SUPT3H: variants seen among roughly 807,000 people sequenced by gnomAD.
The protein encoded by SUPT3H is transcription initiation protein SPT3 homolog.
SUPT3H carries 44 observed loss-of-function variants against 44.3 expected under a neutral mutation model. That is an observed-to-expected ratio of 0.99 (90% confidence interval 0.78 to 1.28). The LOEUF is 1.28. Among genes scored for constraint, SUPT3H ranks in the 50% most tolerant of loss-of-function variants. The pLI is 0.00. For missense variants in SUPT3H, 380 were observed against 387.1 expected (o/e 0.98, Z 0.15); for synonymous variants, 124 against 125.6 (o/e 0.99, Z 0.09).
chr6:44,936,710 C>G (rs998989275), intron 9 of SUPT3H, among the ~76,000 whole-genome samples: 1 of 152,156 alleles, frequency 6.6e-6, no homozygotes, highest in Non-Finnish European at 1.5e-5. Flanking sequence ...CTCTGTCCCC[C>G]GGGCTGGAGT....
chr6:45,136,981 A>C (rs1389105735), intron 2 of SUPT3H, among the ~76,000 whole-genome samples: 1 of 152,150 alleles, frequency 6.6e-6, no homozygotes, highest in Admixed American at 6.5e-5. Flanking sequence ...TCATGCCAAA[A>C]GAGAGATTAT....
intron 2 of SUPT3H, among the ~76,000 whole-genome samples, chr6:45,239,740 C>A (rs1769932621): frequency 6.6e-6 from 1 of 152,318 alleles, no homozygotes. Context: ...ACTAGCAAAG[C>A]TCTAGCTACA....
intron 2 of SUPT3H, among the ~76,000 whole-genome samples, chr6:45,173,999 G>C (rs1811263564): frequency 6.6e-6 from 1 of 152,168 alleles, no homozygotes; most frequent in Non-Finnish European, 1.5e-5. Context: ...GCATCTGTTT[G>C]TGGCCACAAT....
intron 2 of SUPT3H, among the ~76,000 whole-genome samples, chr6:45,284,943 C>A (rs956366042): frequency 2.0e-5 from 3 of 152,142 alleles, no homozygotes; most frequent in African/African-American, 7.2e-5. Flanking sequence ...TCAACATACA[C>A]AAATCAATAA....
At chr6:45,289,501 C>A (rs769561308) in intron 2 of SUPT3H, among the ~76,000 whole-genome samples, 1 of 152,000 alleles carries the variant, frequency 6.6e-6, no homozygotes, top group Non-Finnish European at 1.5e-5. Context: ...TAAAGTAATT[C>A]ATAATTTAAA....
At chr6:45,190,111 C>T (rs1356899255) in intron 2 of SUPT3H, among the ~76,000 whole-genome samples, 1 of 152,058 alleles carries the variant, frequency 6.6e-6, no homozygotes, top group Non-Finnish European at 1.5e-5. Flanking sequence ...TTGCGTTAAA[C>T]TAATGAATTA....
chr6:44,849,241 T>C (rs1772437453), intron 10 of SUPT3H, among the ~76,000 whole-genome samples: 1 of 143,694 alleles, frequency 7.0e-6, no homozygotes, highest in South Asian at 2.4e-4. Context: ...TTTTTTTTTT[T>C]TTTGAGACGG....
At chr6:44,933,537 T>C (rs1295380827) in intron 9 of SUPT3H, among the ~76,000 whole-genome samples, 1 of 152,222 alleles carries the variant, frequency 6.6e-6, no homozygotes, top group East Asian at 1.9e-4. Context: ...CTCGGTTTCC[T>C]CACCTGTAAA....
At chr6:45,214,331 C>A (rs753682287) in intron 2 of SUPT3H, among the ~76,000 whole-genome samples, 33 of 151,642 alleles carry the variant, frequency 2.2e-4, no homozygotes, top group Non-Finnish European at 3.8e-4. Context: ...ATGTGATTGA[C>A]AGTATTCAGA....
At chr6:45,025,567 A>G (rs1180024017) in intron 3 of SUPT3H, among the ~76,000 whole-genome samples, 1 of 152,156 alleles carries the variant, frequency 6.6e-6, no homozygotes, top group Non-Finnish European at 1.5e-5. Context: ...AGATTTCTCT[A>G]AAGTTCTAAA....
chr6:45,129,825 C>G (rs957271001), intron 2 of SUPT3H, among the ~76,000 whole-genome samples: 6 of 151,456 alleles, frequency 4.0e-5, no homozygotes, highest in Non-Finnish European at 8.8e-5. Flanking sequence ...TGGGGGAATT[C>G]TGAATGAAGA....
chr6:44,851,900 C>A (rs565825216), intron 10 of SUPT3H, among the ~76,000 whole-genome samples: 6 of 152,148 alleles, frequency 3.9e-5, no homozygotes, highest in African/African-American at 1.4e-4. Context: ...TGACTTACAT[C>A]ATTTTGACTT....
intron 6 of SUPT3H, among the ~76,000 whole-genome samples, chr6:44,962,353 T>C (rs1776147432): frequency 1.3e-5 from 2 of 152,170 alleles, no homozygotes; most frequent in Non-Finnish European, 2.9e-5. Flanking sequence ...CAGGTATGAT[T>C]CATTTGGTAT....
At chr6:44,942,768 T>A (rs754207641) in intron 9 of SUPT3H, among the ~76,000 whole-genome samples, 7 of 152,152 alleles carry the variant, frequency 4.6e-5, no homozygotes, top group Non-Finnish European at 7.3e-5. Flanking sequence ...TCCTGTATGG[T>A]ATGAAATGCA....
intron 10 of SUPT3H, among the ~76,000 whole-genome samples, chr6:44,928,909 A>AAAAAAAAAAAG (rs1491361687): frequency 2.2e-5 from 3 of 139,136 alleles, no homozygotes; most frequent in African/African-American, 8.1e-5. Flanking sequence ...AAAAAAGAAA[A>AAAAAAAAAAAG]GAAAAGAAAC....
chr6:44,853,741 G>A (rs1199762762), intron 10 of SUPT3H, among the ~76,000 whole-genome samples: 2 of 152,046 alleles, frequency 1.3e-5, no homozygotes, highest in Admixed American at 6.6e-5. Flanking sequence ...GGGGCTTCTG[G>A]TGGGGGGAGT....
chr6:45,231,406 T>G (rs1307136893), intron 2 of SUPT3H, among the ~76,000 whole-genome samples: 1 of 152,208 alleles, frequency 6.6e-6, no homozygotes, highest in Non-Finnish European at 1.5e-5. Context: ...TTGAGCACAT[T>G]AAATATATCC....
intron 9 of SUPT3H, among the ~76,000 whole-genome samples, chr6:44,944,739 G>T: frequency 1.4e-5 from 1 of 72,870 alleles, no homozygotes; most frequent in Non-Finnish European, 2.6e-5. Context: ...TCCAGCCTGG[G>T]AGACAAAGCA....
At chr6:45,310,691 G>C (rs1783808301) in intron 2 of SUPT3H, among the ~76,000 whole-genome samples, 1 of 152,154 alleles carries the variant, frequency 6.6e-6, no homozygotes. Flanking sequence ...CAATCAGGCA[G>C]TTTGGCTCAC....
Sources: gnomAD v4.1 joint callset for allele counts (sites outside exome capture counted in the v4.1 genomes callset) on GRCh38, gnomAD v4.1.1 for gene constraint, MANE v1.5 for transcripts, NCBI Gene and HGNC (gene_info 2026-07-23, HGNC 2026-07-21) for gene names.